The following CABIN1 variants were observed in gnomAD, a reference collection of about 807,000 sequenced individuals.
CABIN1 encodes the protein calcineurin-binding protein cabin-1.
CABIN1 carries 133 observed loss-of-function variants against 227.7 expected under a neutral mutation model. The ratio of observed to expected loss-of-function variants is 0.58; its 90% CI spans 0.51 to 0.67. CABIN1 has a LOEUF of 0.67. Ranked by LOEUF, CABIN1 falls within the 30% of genes least tolerant of loss-of-function variation. CABIN1 has a pLI of 0.00. For missense variants in CABIN1, 2,408 were observed against 2,852.5 expected (o/e 0.84, Z 3.55); for synonymous variants, 1,086 against 1,155.1 (o/e 0.94, Z 1.21).
At chr22:24,084,114 A>G (rs1368249934) in intron 20 of CABIN1, among the ~76,000 whole-genome samples, 2 of 152,124 alleles carry the variant, frequency 1.3e-5, no homozygotes, top group African/African-American at 4.8e-5. Flanking sequence ...CCATGATGGA[A>G]CCCACCCTCT....
Position 24,134,362 on chromosome 22 carries a change from C to T in CABIN1, c.4693C>T (p.His1565Tyr). Residue 1565 changes from histidine to tyrosine, a missense_variant, in exon 29 of 37, where the codon CAC (histidine) becomes TAC (tyrosine). By Grantham distance (83) the His-to-Tyr change is moderately conservative. Transcript: ENST00000263119. Reference protein sequence around the residue: ...GSSIPWQQLQHMPAQGLFCER... With the variant: ...GSSIPWQQLQYMPAQGLFCER... ...CAGTATCCCGTGGCAACAACTGCAG[C>T]ACATGCCGGCACAGGGGCTCTTCTG... is the stretch of plus-strand genomic sequence containing the variant. 6.2e-7 allele frequency: 1 copy of T among 1,614,180 alleles called. No individual in the cohort carries two copies. The highest frequency in any genetic ancestry group is 8.5e-7 in the Non-Finnish European group (1 of 1,179,994).
chr22:24,062,951 G>C lies in CABIN1; in HGVS notation c.1697-8G>C. The C allele has an allele frequency of 6.2e-7, 1 of 1,614,002 alleles. No homozygotes were observed. The highest frequency in any genetic ancestry group is 1.3e-5 in the African/African-American group (1 of 75,030). ...ATGAAGTTGACTCGTTGGCCTGATG[G>C]TTTTTAGTGTCTCCTCGGAACTGCC... On this transcript the variant is annotated splice_polypyrimidine_tract_variant and splice_region_variant and intron_variant, in intron 13 of 36. Transcript: ENST00000263119.
intron 29 of CABIN1, among the ~76,000 whole-genome samples, chr22:24,154,548 A>C (rs1274921375): frequency 6.6e-6 from 1 of 152,188 alleles, no homozygotes; most frequent in Non-Finnish European, 1.5e-5. Flanking sequence ...CCTTGTCCTC[A>C]CACAGCCTTG....
rs200398282 is a variant in CABIN1 at position 24,049,096 on chromosome 22, C to T, written c.532C>T (p.Leu178=). ...LYTLSDYTTC[L]YFICKALEKD... is the part of the protein sequence containing the mutation. ...ACTGTCTCTTTCCCCGCCAGCATGT[C>T]TGTACTTCATCTGCAAAGCTTTGGA... Residue 178 remains leucine (L), a synonymous_variant, in exon 7 of 37, where the codon CTG becomes TTG. Coordinates refer to ENST00000263119, the MANE Select transcript of CABIN1 (RefSeq NM_012295.4). 1.7e-5 allele frequency: 27 copies of T among 1,613,912 alleles called. No individual in the cohort carries two copies. The highest frequency in any genetic ancestry group is 2.1e-5 in the Non-Finnish European group (25 of 1,180,002).
At chr22:24,103,454 ACCAGGG>A (rs1418617765) in intron 26 of CABIN1, 1 of 152,198 alleles carries the variant, frequency 6.6e-6, no homozygotes, top group Non-Finnish European at 1.5e-5. Context: ...TCTTCAGCCC[ACCAGGG>A]CCAGGCTATG....
chr22:24,042,817 ACTGTGTGTGTGTGT>A (rs1252389783), intron 5 of CABIN1, 73 bp from the exon 6 acceptor site: 2 of 577,624 alleles, frequency 3.5e-6, no homozygotes, highest in African/African-American at 5.4e-5. Context: ...GAGAGATCTG[ACTGTGTGTGTGTGT>A]GTGTGTGTGT....
chr22:24,062,550 G>T (rs1000069427), intron 13 of CABIN1, among the ~76,000 whole-genome samples: 1 of 151,804 alleles, frequency 6.6e-6, no homozygotes, highest in African/African-American at 2.4e-5. Context: ...GCAGAGATGG[G>T]GTTTCACCAT....
intron 16 of CABIN1, among the ~76,000 whole-genome samples, chr22:24,067,614 T>G (rs79967158): frequency 0.012 from 1,771 of 152,350 alleles, 31 homozygotes; most frequent in African/African-American, 0.04. Flanking sequence ...AACACTAGCC[T>G]TATGTTTGAA....
In CABIN1 at chr22:24,177,986, G is replaced by T. The variant is rs2047212257; in HGVS notation, c.6520-67G>T. The T allele has an allele frequency of 1.6e-5, 26 of 1,608,050 alleles. No homozygotes were observed. Among genetic ancestry groups the T allele is most frequent in the Non-Finnish European group, 2.0e-5 (24 of 1,178,714 alleles). ...AGGGGGGCCTGGGGCAGGGGTGAAGGTGGCAGAGGGGCTTGGGGCAGAGCC... is the reference window on the plus strand; with the variant it reads ...AGGGGGGCCTGGGGCAGGGGTGAAGTTGGCAGAGGGGCTTGGGGCAGAGCC... On this transcript the variant is annotated intron_variant, in intron 36 of 36. Coordinates refer to ENST00000263119, the MANE Select transcript of CABIN1 (RefSeq NM_012295.4). This position sits in a 1 kb window ranked among gnomAD's most constrained non-coding sequence, Gnocchi z 4.4.
intron 1 of CABIN1, among the ~76,000 whole-genome samples, chr22:24,012,156 G>C (rs906670634): frequency 1.3e-5 from 2 of 152,172 alleles, no homozygotes; most frequent in Non-Finnish European, 2.9e-5. Context: ...CATAATAGTA[G>C]TTTAGGCTTG....
At chr22:24,132,639 G>T (rs188946630) in intron 28 of CABIN1, among the ~76,000 whole-genome samples, 315 of 152,342 alleles carry the variant, frequency 2.1e-3, no homozygotes, top group African/African-American at 7.0e-3. Flanking sequence ...CCAGGCTGGA[G>T]TGCAGTGGCA....
At chr22:24,143,746 TATC>T (rs1187273978) in intron 29 of CABIN1, among the ~76,000 whole-genome samples, 2 of 152,162 alleles carry the variant, frequency 1.3e-5, no homozygotes, top group African/African-American at 4.8e-5. Context: ...TAGGTACTAT[TATC>T]ATCCTCATTG....
intron 4 of CABIN1, among the ~76,000 whole-genome samples, chr22:24,038,919 G>T (rs997842352): frequency 1.3e-5 from 2 of 152,184 alleles, no homozygotes; most frequent in Non-Finnish European, 2.9e-5. Context: ...CCATGAGCTT[G>T]GGAAGTCTGT....
chr22:24,111,656 C>A lies in CABIN1; in HGVS notation c.4118-1910C>A, dbSNP rs375745807. The stretch of plus-strand genomic sequence containing the variant: ...TTTTATGATAAAGTGTTGAATATCT[C>A]ATGCAAGAATATTGTACTGCATATC... On this transcript the variant is annotated intron_variant, in intron 26 of 36. Transcript: ENST00000263119. 5.9e-4 allele frequency among the ~76,000 whole-genome samples: 90 copies of A among 152,338 alleles called. 1 individual carries two copies. In the South Asian group the frequency reaches 0.018, roughly 30 times the overall value.
chr22:24,034,946 T>C (rs977227255), intron 1 of CABIN1, among the ~76,000 whole-genome samples: 1 of 152,188 alleles, frequency 6.6e-6, no homozygotes, highest in African/African-American at 2.4e-5. Flanking sequence ...CATCCTCCAT[T>C]CACATCCCTG....
chr22:24,030,157 C>T (rs1319846627), intron 1 of CABIN1, among the ~76,000 whole-genome samples: 1 of 152,164 alleles, frequency 6.6e-6, no homozygotes, highest in Non-Finnish European at 1.5e-5. Context: ...ACAATTTATT[C>T]TATGGCCATC....
chr22:24,028,351 C>T (rs2036248951), intron 1 of CABIN1, among the ~76,000 whole-genome samples: 1 of 152,138 alleles, frequency 6.6e-6, no homozygotes, highest in Non-Finnish European at 1.5e-5. Flanking sequence ...CTGTTAAAGT[C>T]CTATTTCAGC....
chr22:24,178,030 GC>G, intron 36 of CABIN1, 22 bp from the exon 37 acceptor site: 1 of 1,612,754 alleles, frequency 6.2e-7, no homozygotes, highest in Non-Finnish European at 8.5e-7. Context: ...CTTGACCAGT[GC>G]CCCGCCCGGC....
At chr22:24,125,411 CAT>C (rs981242828) in intron 28 of CABIN1, among the ~76,000 whole-genome samples, 3 of 152,232 alleles carry the variant, frequency 2.0e-5, no homozygotes, top group African/African-American at 4.8e-5. Flanking sequence ...GCTGCTGGCT[CAT>C]GTGGGGGACC....
Sources: gnomAD v4.1 joint callset for allele counts (sites outside exome capture counted in the v4.1 genomes callset) on GRCh38, gnomAD v4.1.1 for gene constraint, Gnocchi (gnomAD v3.1) non-coding constraint, MANE v1.5 for transcripts, NCBI Gene and HGNC (gene_info 2026-07-23, HGNC 2026-07-21) for gene names.